The following VAV3 variants were observed in gnomAD, a reference collection of about 807,000 sequenced individuals.
VAV3 encodes vav guanine nucleotide exchange factor 3.
A neutral mutation model predicts 131.2 loss-of-function variants in VAV3; 94 were observed. The observed-to-expected ratio is 0.72, with a 90% confidence interval of 0.61 to 0.85. The LOEUF is 0.85. Among genes scored for constraint, VAV3 ranks in the 40% least tolerant of loss-of-function variants. The pLI is 0.00. For missense variants in VAV3, 939 were observed against 1,002.7 expected, an observed-to-expected ratio of 0.94 and a Z score of 0.86; for synonymous variants, 349 against 342.0, an observed-to-expected ratio of 1.02 and a Z score of -0.22.
At chr1:107,720,374 C>T (rs1238987481) in intron 15 of VAV3, among the ~76,000 whole-genome samples, 1 of 131,166 alleles carries the variant, frequency 7.6e-6, no homozygotes, top group African/African-American at 3.0e-5. Context: ...CAGAGTGAGA[C>T]ACTGTCTCAA....
chr1:107,710,407 A>C (rs1274326234), intron 15 of VAV3, among the ~76,000 whole-genome samples: 2 of 152,180 alleles, frequency 1.3e-5, no homozygotes, highest in Non-Finnish European at 2.9e-5. Flanking sequence ...TTTGTATCAA[A>C]AATACATCGA....
chr1:107,628,636 T>G (rs1009486170), intron 20 of VAV3, among the ~76,000 whole-genome samples: 2 of 152,224 alleles, frequency 1.3e-5, no homozygotes, highest in African/African-American at 4.8e-5. Flanking sequence ...TTGTTTACTA[T>G]TTTTTCTACC....
At chr1:107,738,504 T>A (rs1484937458) in intron 15 of VAV3, among the ~76,000 whole-genome samples, 1 of 152,172 alleles carries the variant, frequency 6.6e-6, no homozygotes, top group East Asian at 1.9e-4. Context: ...ATTCAAAAAT[T>A]GTTTCAAGTA....
intron 25 of VAV3, among the ~76,000 whole-genome samples, chr1:107,591,346 A>G (rs1650933242): frequency 6.6e-6 from 1 of 152,180 alleles, no homozygotes; most frequent in African/African-American, 2.4e-5. Context: ...ATTCACTATT[A>G]TAATTCAAGT....
At chr1:107,840,742 G>C (rs887024924) in intron 2 of VAV3, among the ~76,000 whole-genome samples, 1 of 152,148 alleles carries the variant, frequency 6.6e-6, no homozygotes, top group Non-Finnish European at 1.5e-5. Context: ...CAAAGGAAAA[G>C]AAGAGGAGAA....
chr1:107,632,744 G>T (rs1414327318), intron 20 of VAV3, among the ~76,000 whole-genome samples: 1 of 152,212 alleles, frequency 6.6e-6, no homozygotes, highest in Non-Finnish European at 1.5e-5. Context: ...TGTCTGAGTA[G>T]TGAACAGAGT....
At chr1:107,877,071 C>G (rs1480240050) in intron 1 of VAV3, among the ~76,000 whole-genome samples, 2 of 152,082 alleles carry the variant, frequency 1.3e-5, no homozygotes, top group African/African-American at 4.8e-5. Flanking sequence ...TTCTCAGAGG[C>G]TTAAATATTT....
chr1:107,825,083 G>A (rs1667953843), intron 2 of VAV3, among the ~76,000 whole-genome samples: 1 of 152,168 alleles, frequency 6.6e-6, no homozygotes, highest in Non-Finnish European at 1.5e-5. Flanking sequence ...ACTCACTTAT[G>A]TGCTGTCTAT....
At chr1:107,757,416 T>A in intron 10 of VAV3, 87 bp from the exon 11 acceptor site, 5 of 1,119,754 alleles carry the variant, frequency 4.5e-6, no homozygotes, top group Non-Finnish European at 6.3e-6. Context: ...TAAACCATTA[T>A]TATTGGTTTT....
chr1:107,950,878 A>G (rs1674499562), intron 1 of VAV3, among the ~76,000 whole-genome samples: 1 of 152,156 alleles, frequency 6.6e-6, no homozygotes, highest in African/African-American at 2.4e-5. Flanking sequence ...GCAAGTCTAG[A>G]GGTTAGAGAG....
In VAV3 at chr1:107,704,566, G is replaced by C. The variant is rs1038197777; in HGVS notation, c.1689C>G (p.Gly563=). Residue 563 remains glycine, a synonymous_variant, in exon 17 of 27, where the codon GGC becomes GGG. Coordinates refer to ENST00000370056, the MANE Select transcript of VAV3 (RefSeq NM_006113.5). The part of the protein sequence containing the change: ...KECLGRVDNC[G]RVNSGEQGTL... ...ATGACTTACCACCAGAATTAACTCT[G>C]CCACAATTGTCTACTCTTCCCAAAC... is the stretch of plus-strand genomic sequence containing the variant. 6.2e-7 allele frequency: 1 copy of C among 1,613,286 alleles called. No homozygotes were observed. The highest frequency in any genetic ancestry group is 8.5e-7 in the Non-Finnish European group (1 of 1,179,372).
intron 21 of VAV3, among the ~76,000 whole-genome samples, chr1:107,611,608 A>T (rs1033696929): frequency 7.0e-6 from 1 of 141,882 alleles, no homozygotes; most frequent in Non-Finnish European, 1.5e-5. Context: ...AAAAAAAAAA[A>T]CAAACAAACA....
rs17019483 is a variant in VAV3 at position 107,596,150 on chromosome 1, A to T, written c.2350+62T>A. 12,700 of 1,576,676 alleles carry T rather than the reference A, an allele frequency of 8.1e-3. 835 individuals are homozygous for T. In the African/African-American group the frequency reaches 0.15, roughly 18 times the overall value. On this transcript the variant is annotated intron_variant, in intron 25 of 26. Transcript: ENST00000370056. ...TTTAAAATTTGGAAGGAAGATGTTT[A>T]ATGTTATTGTGCCCCTAATTTTTAA...
At chr1:107,710,361 T>C (rs1291578264) in intron 15 of VAV3, among the ~76,000 whole-genome samples, 2 of 152,192 alleles carry the variant, frequency 1.3e-5, no homozygotes, top group African/African-American at 4.8e-5. Context: ...CAAATGTCAG[T>C]GCTTCAAAAA....
intron 20 of VAV3, among the ~76,000 whole-genome samples, chr1:107,639,116 T>G (rs1002388831): frequency 6.6e-6 from 1 of 152,050 alleles, no homozygotes; most frequent in African/African-American, 2.4e-5. Context: ...CAAATGCTGC[T>G]GGAGCACCTA....
intron 2 of VAV3, among the ~76,000 whole-genome samples, chr1:107,867,843 G>A (rs1452299183): frequency 1.3e-5 from 2 of 152,152 alleles, no homozygotes; most frequent in Non-Finnish European, 2.9e-5. Context: ...CTGGAAGTTG[G>A]TACCCTGTAA....
At chr1:107,598,801 T>TACACACACACACACACACAC (rs35317053) in intron 24 of VAV3, among the ~76,000 whole-genome samples, 1 of 149,864 alleles carries the variant, frequency 6.7e-6, no homozygotes, top group African/African-American at 2.5e-5. Flanking sequence ...GTCTCTGGAA[T>TACACACACACACACACACAC]ACACACACAC....
chr1:107,724,016 C>T (rs1270766765), intron 15 of VAV3, among the ~76,000 whole-genome samples: 1 of 151,944 alleles, frequency 6.6e-6, no homozygotes, highest in Non-Finnish European at 1.5e-5. Context: ...TTGTCCAAGG[C>T]TCGTGAAGCG....
chr1:107,806,451 G>A (rs1667064072), intron 2 of VAV3, among the ~76,000 whole-genome samples: 2 of 151,916 alleles, frequency 1.3e-5, no homozygotes, highest in African/African-American at 4.8e-5. Flanking sequence ...TTTGATTTTG[G>A]TTTTCTGTGG....
Sources: allele counts gnomAD v4.1 joint callset (sites outside exome capture counted in the v4.1 genomes callset), GRCh38; gene constraint gnomAD v4.1.1; transcripts MANE v1.5; gene names NCBI Gene and HGNC (gene_info 2026-07-23, HGNC 2026-07-21).